Variants in CACNA2D1 observed in about 807,000 individuals in gnomAD.
CACNA2D1 encodes the protein voltage-dependent calcium channel subunit alpha-2/delta-1.
Under a neutral mutation model 171.5 loss-of-function variants are expected in CACNA2D1, and 53 were observed. The ratio of observed to expected loss-of-function variants is 0.31; its 90% CI spans 0.25 to 0.39. CACNA2D1 has a LOEUF of 0.39. Ranked by LOEUF, CACNA2D1 falls within the 10% of genes least tolerant of loss-of-function variation. The pLI is 1.00. For synonymous variants in CACNA2D1, 442 were observed against 443.1 expected, an observed-to-expected ratio of 1.00 and a Z score of 0.03; for missense variants, 903 against 1,299.8, an observed-to-expected ratio of 0.69 and a Z score of 4.69.
chr7:82,414,572 T>C (rs556638478), intron 1 of CACNA2D1, among the ~76,000 whole-genome samples: 1 of 152,318 alleles, frequency 6.6e-6, no homozygotes, highest in South Asian at 2.1e-4. Context: ...ATTAAAAGCA[T>C]GTATAGAGCA....
intron 1 of CACNA2D1, among the ~76,000 whole-genome samples, chr7:82,441,390 A>G (rs1830491828): frequency 6.6e-6 from 1 of 152,108 alleles, no homozygotes; most frequent in South Asian, 2.1e-4. Flanking sequence ...TTCATTAAAT[A>G]ATCAATGTCT....
chr7:82,152,394 G>A (rs534866727), intron 4 of CACNA2D1, among the ~76,000 whole-genome samples: 2 of 151,390 alleles, frequency 1.3e-5, no homozygotes, highest in South Asian at 2.1e-4. Context: ...AATACTAATA[G>A]GTTTATCAGG....
chr7:82,433,187 CA>C (rs3216244), intron 1 of CACNA2D1, among the ~76,000 whole-genome samples: 3,474 of 122,648 alleles, frequency 0.028, 104 homozygotes, highest in African/African-American at 0.087. Flanking sequence ...GACTCCATCT[CA>C]AAAAAAAAAA....
At chr7:82,338,115 T>C (rs569806043) in intron 2 of CACNA2D1, among the ~76,000 whole-genome samples, 75 of 152,280 alleles carry the variant, frequency 4.9e-4, no homozygotes, top group East Asian at 1.4e-3. Context: ...TTGCTCTAAT[T>C]AAGTCTACAG....
intron 1 of CACNA2D1, among the ~76,000 whole-genome samples, chr7:82,408,225 A>G (rs1048542467): frequency 1.3e-4 from 19 of 151,546 alleles, no homozygotes; most frequent in Admixed American, 6.6e-5. Context: ...GTTTCACCAT[A>G]TTCGCCAGGT....
intron 4 of CACNA2D1, 129 bp from the exon 5 acceptor site, chr7:82,136,805 T>C: frequency 1.5e-6 from 1 of 683,542 alleles, no homozygotes; most frequent in Non-Finnish European, 2.4e-6. Flanking sequence ...TCCACAATGA[T>C]CCATAAGGAT....
intron 1 of CACNA2D1, among the ~76,000 whole-genome samples, chr7:82,407,593 A>C (rs574514515): frequency 6.6e-6 from 1 of 152,300 alleles, no homozygotes; most frequent in East Asian, 1.9e-4. Context: ...ATTTATTAGT[A>C]ACAACAGCAT....
intron 3 of CACNA2D1, among the ~76,000 whole-genome samples, chr7:82,195,343 T>C (rs1366460468): frequency 1.3e-5 from 2 of 151,860 alleles, no homozygotes; most frequent in Non-Finnish European, 2.9e-5. Flanking sequence ...TAGGGAAGGT[T>C]CCATTGAAAA....
intron 3 of CACNA2D1, among the ~76,000 whole-genome samples, chr7:82,254,727 A>G (rs995219161): frequency 1.3e-5 from 2 of 152,180 alleles, no homozygotes; most frequent in Non-Finnish European, 2.9e-5. Context: ...ATAATCATCA[A>G]AAGTATGACA....
chr7:82,261,182 C>T (rs1807045115), intron 3 of CACNA2D1, among the ~76,000 whole-genome samples: 1 of 152,050 alleles, frequency 6.6e-6, no homozygotes, highest in Non-Finnish European at 1.5e-5. Flanking sequence ...CTTGAACTCC[C>T]GACCTCAAGT....
intron 3 of CACNA2D1, among the ~76,000 whole-genome samples, chr7:82,207,557 A>C (rs944506043): frequency 4.0e-4 from 61 of 152,194 alleles, no homozygotes; most frequent in African/African-American, 1.4e-3. Flanking sequence ...ATTACTGTTT[A>C]ATTTGGACAC....
chr7:82,064,456 C>A, intron 8 of CACNA2D1, 102 bp from the exon 9 acceptor site: 1 of 771,798 alleles, frequency 1.3e-6, no homozygotes, highest in Non-Finnish European at 2.2e-6. Context: ...TTTTTTTCCC[C>A]AAGCAAAGAC....
chr7:82,237,772 T>C (rs977420854), intron 3 of CACNA2D1, among the ~76,000 whole-genome samples: 2 of 152,152 alleles, frequency 1.3e-5, no homozygotes, highest in South Asian at 2.1e-4. Flanking sequence ...TTGGTCACTA[T>C]GTTAGTTGCT....
chr7:82,407,118 G>T (rs528216626), intron 1 of CACNA2D1, among the ~76,000 whole-genome samples: 1 of 152,142 alleles, frequency 6.6e-6, no homozygotes, highest in East Asian at 1.9e-4. Flanking sequence ...GTTGCAGCAC[G>T]GCTCAAATTA....
intron 27 of CACNA2D1, among the ~76,000 whole-genome samples, 170 bp from the exon 28 acceptor site, chr7:81,970,154 A>T (rs1795118623): frequency 6.6e-6 from 1 of 151,478 alleles, no homozygotes; most frequent in Non-Finnish European, 1.5e-5. Flanking sequence ...ATGCATCAGC[A>T]TAGCACTAAA....
intron 1 of CACNA2D1, among the ~76,000 whole-genome samples, chr7:82,386,867 T>C (rs562501785): frequency 6.3e-4 from 95 of 151,970 alleles, no homozygotes; most frequent in East Asian, 2.3e-3. Context: ...AGACTCTATA[T>C]GCAAAAGTAT....
chr7:82,066,943 T>G (rs1232170869), intron 7 of CACNA2D1, among the ~76,000 whole-genome samples: 2 of 152,126 alleles, frequency 1.3e-5, no homozygotes, highest in Non-Finnish European at 1.5e-5. Context: ...GACAGCTGTT[T>G]TTCTTGGGTT....
At chr7:81,985,847 T>G (rs1235017004) in intron 21 of CACNA2D1, among the ~76,000 whole-genome samples, 1 of 152,154 alleles carries the variant, frequency 6.6e-6, no homozygotes, top group Non-Finnish European at 1.5e-5. Flanking sequence ...GTGAAAATCT[T>G]AGGCCAAATT....
At chr7:82,168,136 G>A (rs1440961581) in intron 4 of CACNA2D1, among the ~76,000 whole-genome samples, 1 of 151,884 alleles carries the variant, frequency 6.6e-6, no homozygotes, top group Non-Finnish European at 1.5e-5. Flanking sequence ...AATTTAAGTG[G>A]CTTTTTTGGT....
Sources: gnomAD v4.1 joint callset for allele counts (sites outside exome capture counted in the v4.1 genomes callset) on GRCh38, gnomAD v4.1.1 for gene constraint, MANE v1.5 for transcripts, NCBI Gene and HGNC (gene_info 2026-07-23, HGNC 2026-07-21) for gene names.